Variants in FSIP2 observed in about 807,000 individuals in gnomAD.
FSIP2 encodes the protein fibrous sheath-interacting protein 2.
In FSIP2, 367 loss-of-function variants were observed where a neutral mutation model predicts 510.5. The observed-to-expected ratio is 0.72, with a 90% CI of 0.66 to 0.78. The LOEUF (loss-of-function observed/expected upper bound fraction) is 0.78. Ranked by LOEUF, FSIP2 falls within the 30% of genes least tolerant of loss-of-function variation. The pLI, the probability that FSIP2 is intolerant of heterozygous loss-of-function variation, is 0.00. For missense variants in FSIP2, 7,594 were observed against 7,901.7 expected, an observed-to-expected ratio of 0.96 and a Z score of 1.48; for synonymous variants, 2,601 against 2,732.2, an observed-to-expected ratio of 0.95 and a Z score of 1.50.
chr2:185,786,257 A>T lies in FSIP2; in HGVS notation c.1475A>T (p.Gln492Leu). 2 of 1,525,352 alleles carry T rather than the reference A, an allele frequency of 1.3e-6. No homozygotes were observed. The allele number at this position is 1,525,352 out of a possible 1,614,324, so 94.5% of individuals were successfully genotyped here. A position where few individuals can be genotyped will look rare whatever the true frequency, so the allele number is the denominator to read the frequency against. ...FSSPVYTNMQQNLLQNCLQEK... is the reference protein window; with the variant it reads ...FSSPVYTNMQLNLLQNCLQEK... ...TGATCAACCTTTCTTTACAGGCAAC[A>T]GAACTTGCTGCAAAATTGCTTGCAA... The change falls in exon 15 of 23, where the codon CAG becomes CTG. Residue 492 changes from glutamine to leucine, a missense_variant. Coordinates refer to ENST00000424728, the MANE Select transcript of FSIP2 (RefSeq NM_173651.4).
In FSIP2 at chr2:185,792,791, T is replaced by C; in HGVS notation, c.5655T>C (p.Tyr1885=). The C allele has an allele frequency of 6.5e-7, 1 of 1,534,308 alleles. No individual in the cohort carries two copies. The highest frequency in any genetic ancestry group is 8.7e-7 in the Non-Finnish European group (1 of 1,145,624). ...SANVSSHEHT[Y]KGKSSVTALD... is the part of the protein sequence containing the mutation. The stretch of plus-strand genomic sequence containing the variant: ...ATGTTTCTTCTCATGAACACACCTA[T>C]AAAGGAAAGTCCTCTGTCACGGCTT... The change falls in exon 16 of 23, where the codon TAT becomes TAC. Residue 1885 remains tyrosine (Y), a synonymous_variant. Transcript: ENST00000424728.
At chr2:185,819,377 C>T (rs184734913) in intron 19 of FSIP2, among the ~76,000 whole-genome samples, 1 of 151,970 alleles carries the variant, frequency 6.6e-6, no homozygotes, top group East Asian at 1.9e-4. Flanking sequence ...GGGTTAAACA[C>T]TTTAATCAAA....
At chr2:185,747,194 T>C in intron 6 of FSIP2, 119 bp from the exon 7 acceptor site, 1 of 595,150 alleles carries the variant, frequency 1.7e-6, no homozygotes. Context: ...CCTTTCATTA[T>C]GCTTAACCTG....
In FSIP2 at chr2:185,739,000, G is replaced by T. The variant is rs1691860674; in HGVS notation, c.99+7G>T. 6.5e-7 allele frequency: 1 copy of T among 1,530,726 alleles called. No individual in the cohort carries two copies. Among genetic ancestry groups the T allele is most frequent in the East Asian group, 2.4e-5 (1 of 40,832 alleles). 94.8% of individuals were successfully genotyped at this position (1,530,726 alleles called of 1,614,324 possible). On this transcript the variant is annotated splice_region_variant and intron_variant, in intron 1 of 22. Transcript: ENST00000424728. ...CACCCAGCAGTGCAGAGACGTGAGTGGCCGCAAGCTGGGCGGCGTCGCCCT... is the reference window on the plus strand; with the variant it reads ...CACCCAGCAGTGCAGAGACGTGAGTTGCCGCAAGCTGGGCGGCGTCGCCCT...
Position 185,763,219 on chromosome 2 carries a change from C to A in FSIP2, c.1277C>A (p.Ser426Ter). The part of the protein sequence containing the change: ...INISGQGSII[S>*]AQVSPTRNFS... ...ATTTCAGGCCAAGGTTCAATTATTTCAGCGCAGGTATCACCCACGAGAAAT... is the reference window on the plus strand; with the variant it reads ...ATTTCAGGCCAAGGTTCAATTATTTAAGCGCAGGTATCACCCACGAGAAAT... Residue 426 changes from serine (S) to a stop codon, truncating the protein, a stop_gained, in exon 12 of 23, where the codon TCA becomes TAA. Coordinates refer to ENST00000424728, the MANE Select transcript of FSIP2 (RefSeq NM_173651.4). LOFTEE classifies it high-confidence loss of function. 1 of 1,514,742 alleles carries A rather than the reference C, an allele frequency of 6.6e-7. No individual in the cohort carries two copies. Among genetic ancestry groups the A allele is most frequent in the Non-Finnish European group, 8.9e-7 (1 of 1,128,170 alleles). The allele number at this position is 1,514,742 out of a possible 1,614,324, so 93.8% of individuals were successfully genotyped here.
intron 21 of FSIP2, among the ~76,000 whole-genome samples, chr2:185,831,522 G>T (rs1694107463): frequency 6.6e-6 from 1 of 151,902 alleles, no homozygotes; most frequent in African/African-American, 2.4e-5. Flanking sequence ...AGAGGGGGCA[G>T]ACAGAGCTCA....
At chr2:185,766,020 C>T (rs1431624270) in intron 13 of FSIP2, 5 of 151,442 alleles carry the variant, frequency 3.3e-5, no homozygotes, top group Non-Finnish European at 7.4e-5. Context: ...GCTGAAGTTG[C>T]TTATCAGCTT....
At chr2:185,781,539 G>A (rs913201891) in intron 13 of FSIP2, among the ~76,000 whole-genome samples, 2 of 152,152 alleles carry the variant, frequency 1.3e-5, no homozygotes, top group Non-Finnish European at 2.9e-5. Context: ...GGGGCCCAAT[G>A]TCTTGTTTTA....
At position 185,782,809 on chromosome 2, in the gene FSIP2, T is replaced by C. The variant is rs756518765; in HGVS notation, c.1469+47T>C. ...TATAATCATAACTAATTTTAATGAT[T>C]ACATAAGAGTGCTGCTCATAAGCAA... is the stretch of plus-strand genomic sequence containing the variant. On this transcript the variant is annotated intron_variant, in intron 14 of 22. Transcript: ENST00000424728. 2.0e-5 allele frequency: 19 copies of C among 947,466 alleles called. No homozygotes were observed. In the South Asian group the frequency reaches 2.5e-4, roughly 13 times the overall value. The allele number at this position is 947,466 out of a possible 1,614,324, so 58.7% of individuals were successfully genotyped here.
chr2:185,811,207 T>C (rs1485359192), intron 17 of FSIP2, among the ~76,000 whole-genome samples: 1 of 151,934 alleles, frequency 6.6e-6, no homozygotes, highest in Non-Finnish European at 1.5e-5. Flanking sequence ...TGGCTCACAC[T>C]TGTAATCCCA....
Position 185,794,710 on chromosome 2 carries a change from C to T in FSIP2, c.7574C>T (p.Thr2525Ile). 1 of 1,533,934 alleles carries T rather than the reference C, an allele frequency of 6.5e-7. No individual in the cohort carries two copies. The highest frequency in any genetic ancestry group is 8.7e-7 in the Non-Finnish European group (1 of 1,145,422). ...ISNSKIKTSD[T>I]TQKNSFQSHI... ...AATTCTAAGATTAAAACATCAGACA[C>T]AACACAGAAAAACAGTTTTCAATCA... is the stretch of plus-strand genomic sequence containing the variant. Residue 2525 changes from threonine to isoleucine, a missense_variant, in exon 16 of 23, where the codon ACA becomes ATA. Thr to Ile is a moderately conservative substitution (Grantham distance 89). Transcript: ENST00000424728.
At chr2:185,775,503 G>A (rs6718288) in intron 13 of FSIP2, among the ~76,000 whole-genome samples, 81,550 of 150,566 alleles carry the variant, frequency 0.54, 22,283 homozygotes, top group South Asian at 0.64. Flanking sequence ...AGTAGGTTGC[G>A]AAAATTTTCT....
chr2:185,738,353 C>A (rs1356404579), upstream of FSIP2: 12 of 462,756 alleles, frequency 2.6e-5, no homozygotes, highest in Non-Finnish European at 4.6e-5. Context: ...AGAAGGAAAC[C>A]TAGGGGACAG....
At chr2:185,828,620 C>T in intron 21 of FSIP2, among the ~76,000 whole-genome samples, 1 of 151,790 alleles carries the variant, frequency 6.6e-6, no homozygotes, top group Admixed American at 6.6e-5. Context: ...AGGTGCATGG[C>T]TTGCAGGATG....
chr2:185,749,517 A>G (rs965211333), intron 7 of FSIP2, among the ~76,000 whole-genome samples: 1 of 151,992 alleles, frequency 6.6e-6, no homozygotes, highest in East Asian at 1.9e-4. Flanking sequence ...TTAACAATCA[A>G]TAATCAGTTC....
rs34161042 is a variant in FSIP2 at position 185,746,288 on chromosome 2, G to GT, written c.618-370dup. On this transcript the variant is annotated intron_variant, in intron 5 of 22. Transcript: ENST00000424728. Reference sequence around the variant, plus strand: ...TTTTCTTAGAGAATTCAAATGGACTGTTTTTTTTTTTCCACATTTGAAGTT... The same window carrying GT: ...TTTTCTTAGAGAATTCAAATGGACTGTTTTTTTTTTTTCCACATTTGAAGTT... Among the ~76,000 whole-genome samples, 370 of 149,170 alleles carry GT rather than the reference G, an allele frequency of 2.5e-3. 1 individual carries two copies. Among genetic ancestry groups the GT allele is most frequent in the Non-Finnish European group, 4.1e-3 (275 of 67,086 alleles).
intron 20 of FSIP2, among the ~76,000 whole-genome samples, chr2:185,824,788 GCCAGAAC>G (rs1353955377): frequency 6.6e-6 from 1 of 151,752 alleles, no homozygotes; most frequent in Non-Finnish European, 1.5e-5. Context: ...TTATATCTGA[GCCAGAAC>G]CCATGCTACT....
At chr2:185,826,102 A>G (rs528243972) in intron 20 of FSIP2, among the ~76,000 whole-genome samples, 1 of 151,974 alleles carries the variant, frequency 6.6e-6, no homozygotes, top group African/African-American at 2.4e-5. Context: ...AACATAACAT[A>G]TAGCTTAGGT....
intron 13 of FSIP2, among the ~76,000 whole-genome samples, chr2:185,779,812 G>C (rs1692803972): frequency 6.6e-6 from 1 of 151,972 alleles, no homozygotes; most frequent in African/African-American, 2.4e-5. Flanking sequence ...CTTTAGAAAG[G>C]TCTTTAGTGA....
Sources: allele counts gnomAD v4.1 joint callset (sites outside exome capture counted in the v4.1 genomes callset), GRCh38; gene constraint gnomAD v4.1.1; transcripts MANE v1.5; gene names NCBI Gene and HGNC (gene_info 2026-07-23, HGNC 2026-07-21).